The following RBMS3 variants were observed in gnomAD, a reference collection of about 807,000 sequenced individuals.
RBMS3 encodes the protein RNA-binding motif, single-stranded-interacting protein 3.
In RBMS3, 27 loss-of-function variants were observed where a neutral mutation model predicts 66.8. The observed-to-expected ratio is 0.40, with a 90% CI of 0.30 to 0.56. The LOEUF is 0.56. RBMS3 is among the 20% of genes least tolerant of loss of function. RBMS3 has a pLI of 0.40. For synonymous variants in RBMS3, 188 were observed against 183.0 expected (o/e 1.03, Z -0.22); for missense variants, 513 against 549.5 (o/e 0.93, Z 0.66).
intron 3 of RBMS3, among the ~76,000 whole-genome samples, chr3:29,547,432 A>G (rs2046000400): frequency 6.6e-6 from 1 of 151,932 alleles, no homozygotes; most frequent in South Asian, 2.1e-4. Context: ...ATCTATCATT[A>G]CTCTTCTATC....
chr3:29,433,079 G>C (rs1267338228), intron 1 of RBMS3, among the ~76,000 whole-genome samples: 4 of 151,780 alleles, frequency 2.6e-5, no homozygotes, highest in Admixed American at 2.6e-4. Context: ...GGGATGAAAA[G>C]ACATACTATT....
chr3:29,547,807 A>ATTT (rs3043400), intron 3 of RBMS3, among the ~76,000 whole-genome samples: 2 of 93,274 alleles, frequency 2.1e-5, no homozygotes, highest in Non-Finnish European at 4.2e-5. Flanking sequence ...TTGTGGATTG[A>ATTT]TTTTTTTTTT....
intron 1 of RBMS3, among the ~76,000 whole-genome samples, chr3:29,404,939 C>A: frequency 6.6e-6 from 1 of 152,036 alleles, no homozygotes; most frequent in Non-Finnish European, 1.5e-5. Flanking sequence ...GATTATAAAG[C>A]CAGACTGCTC....
rs532789515 is a variant in RBMS3, at chr3:29,717,070, C to A, written c.400-22650C>A. Among the ~76,000 whole-genome samples the A allele has an allele frequency of 2.6e-5, 4 of 152,014 alleles. No individual in the cohort carries two copies. In the South Asian group the frequency reaches 8.3e-4, roughly 32 times the overall value. On this transcript the variant is annotated intron_variant, in intron 4 of 14. Transcript: ENST00000383767. ...AGGAGTTTGCATTCTAGAGTGACTGCCTTAGTTTGAACCTTGACTGGTAGC... is the reference window on the plus strand; with the variant it reads ...AGGAGTTTGCATTCTAGAGTGACTGACTTAGTTTGAACCTTGACTGGTAGC...
At chr3:29,402,915 G>A (rs1409768271) in intron 1 of RBMS3, among the ~76,000 whole-genome samples, 2 of 151,666 alleles carry the variant, frequency 1.3e-5, no homozygotes, top group Non-Finnish European at 2.9e-5. Flanking sequence ...AACAGTAGGA[G>A]ACAAAAAGCA....
intron 3 of RBMS3, among the ~76,000 whole-genome samples, chr3:29,520,710 C>T (rs1168248986): frequency 6.6e-6 from 1 of 152,048 alleles, no homozygotes; most frequent in Non-Finnish European, 1.5e-5. Flanking sequence ...ATGCTTTATT[C>T]CTGTGTCTCA....
At chr3:29,890,678 A>G (rs186859061) in intron 8 of RBMS3, among the ~76,000 whole-genome samples, 303 of 151,736 alleles carry the variant, frequency 2.0e-3, no homozygotes, top group Non-Finnish European at 1.7e-3. Context: ...GTAATAGGAG[A>G]TAGAATACAA....
intron 1 of RBMS3, among the ~76,000 whole-genome samples, chr3:29,397,032 A>G (rs2039583656): frequency 2.0e-5 from 3 of 152,174 alleles, no homozygotes; most frequent in Admixed American, 6.5e-5. Context: ...CTGAGTGTTT[A>G]ATAATGAAAT....
rs1020335525 is a variant in RBMS3, at chr3:30,003,951, C to T, written c.*89C>T. ...GTTGGCTTCCAGTTTGCACAGACGT[C>T]AATGGAATGCATTTTTTTGTTGTTG... On this transcript the variant is annotated 3_prime_UTR_variant, in exon 15 of 15. Transcript: ENST00000383767. 9.3e-7 allele frequency: 1 copy of T among 1,072,716 alleles called. No homozygotes were observed. The highest frequency in any genetic ancestry group is 2.8e-5 in the South Asian group (1 of 36,022). The allele number at this position is 1,072,716 out of a possible 1,614,324, so 66.4% of individuals were successfully genotyped here. A position where few individuals can be genotyped will look rare whatever the true frequency, so the allele number is the denominator to read the frequency against.
At chr3:29,862,569 G>C (rs1168110584) in intron 6 of RBMS3, among the ~76,000 whole-genome samples, 3 of 152,064 alleles carry the variant, frequency 2.0e-5, no homozygotes, top group Non-Finnish European at 4.4e-5. Flanking sequence ...TCTGAGCTGG[G>C]AGTCAAAGAG....
intron 6 of RBMS3, among the ~76,000 whole-genome samples, chr3:29,811,021 C>T (rs1263224917): frequency 6.6e-6 from 1 of 152,054 alleles, no homozygotes; most frequent in East Asian, 1.9e-4. Flanking sequence ...TGGAGGACTA[C>T]TGTTGTGGCA....
chr3:29,588,692 T>G (rs1032655810), intron 4 of RBMS3, among the ~76,000 whole-genome samples: 5 of 152,064 alleles, frequency 3.3e-5, no homozygotes, highest in African/African-American at 9.7e-5. Context: ...GCCTAGAAGC[T>G]TTGGATTTTT....
chr3:29,691,416 T>A (rs1264695547), intron 4 of RBMS3, among the ~76,000 whole-genome samples: 1 of 152,154 alleles, frequency 6.6e-6, no homozygotes, highest in Non-Finnish European at 1.5e-5. Context: ...ATGAACTTTC[T>A]CTGCTCTAGT....
intron 1 of RBMS3, among the ~76,000 whole-genome samples, chr3:29,414,443 C>T (rs116051499): frequency 1.2e-3 from 179 of 152,274 alleles, no homozygotes; most frequent in African/African-American, 4.2e-3. Flanking sequence ...AACAAAGGCA[C>T]AACATTCTTC....
intron 1 of RBMS3, among the ~76,000 whole-genome samples, chr3:29,309,106 GCAGAGGTTGAC>G (rs1323525913): frequency 6.6e-6 from 1 of 151,740 alleles, no homozygotes; most frequent in African/African-American, 2.4e-5. Context: ...GGCAGCATTG[GCAGAGGTTGAC>G]CAGTACTTTG....
chr3:29,641,911 C>A (rs1036019878), intron 4 of RBMS3, among the ~76,000 whole-genome samples: 6 of 151,896 alleles, frequency 4.0e-5, no homozygotes, highest in Non-Finnish European at 7.4e-5. Context: ...ACATCTGAAG[C>A]CAAGGGATTC....
At chr3:29,483,529 G>A (rs962228742) in intron 2 of RBMS3, among the ~76,000 whole-genome samples, 3 of 152,028 alleles carry the variant, frequency 2.0e-5, no homozygotes, top group Non-Finnish European at 4.4e-5. Context: ...TCTGGGGGTG[G>A]AGTCTAGCAA....
intron 6 of RBMS3, among the ~76,000 whole-genome samples, chr3:29,774,026 T>C (rs747070924): frequency 1.3e-5 from 2 of 152,086 alleles, no homozygotes; most frequent in African/African-American, 2.4e-5. Context: ...TCAAAGTCTG[T>C]TTCTGGTGAA....
Position 29,568,529 on chromosome 3 carries a change from GTGCTTTAAATGCAC to G in RBMS3, c.308-18583_308-18570del, listed in dbSNP as rs539370117. Among the ~76,000 whole-genome samples the G allele has an allele frequency of 8.5e-4, 129 of 152,300 alleles. 2 individuals carry two copies. The South Asian group carries it at 0.012, about 14-fold the overall frequency. On this transcript the variant is annotated intron_variant, in intron 3 of 14. Coordinates refer to ENST00000383767, the MANE Select transcript of RBMS3 (RefSeq NM_001003793.3). The stretch of plus-strand genomic sequence containing the variant: ...GAAAATGCCTTTGGCATTAGGCCAG[GTGCTTTAAATGCAC>G]TTAAATTTATTCAATGCCCAGAACC...
Sources: allele counts gnomAD v4.1 joint callset (sites outside exome capture counted in the v4.1 genomes callset), GRCh38; gene constraint gnomAD v4.1.1; transcripts MANE v1.5; gene names NCBI Gene and HGNC (gene_info 2026-07-23, HGNC 2026-07-21).